The following MAD1L1 variants were observed in gnomAD, a reference collection of about 807,000 sequenced individuals.
MAD1L1 encodes mitotic arrest deficient 1 like 1.
In MAD1L1, 95 loss-of-function variants were observed where a neutral mutation model predicts 96.9. The observed-to-expected ratio is 0.98, with a 90% CI of 0.83 to 1.16. The LOEUF is 1.16. Among genes scored for constraint, MAD1L1 ranks in the 50% most tolerant of loss-of-function variants. The probability of loss-of-function intolerance (pLI) is 0.00; values close to 1 mark genes in which losing one functional copy is unlikely to be tolerated. For missense variants in MAD1L1, 1,007 were observed against 954.4 expected (o/e 1.06, Z -0.73); for synonymous variants, 473 against 396.6 (o/e 1.19, Z -2.29).
chr7:2,213,467 C>T (rs1026321789), intron 9 of MAD1L1, among the ~76,000 whole-genome samples, 194 bp from the exon 10 acceptor site: 1 of 152,204 alleles, frequency 6.6e-6, no homozygotes, highest in African/African-American at 2.4e-5. Flanking sequence ...AGAAGCCACA[C>T]TGGCGCTTCC....
chr7:2,095,993 G>A (rs541753201), intron 11 of MAD1L1, among the ~76,000 whole-genome samples: 10 of 152,368 alleles, frequency 6.6e-5, no homozygotes, highest in Non-Finnish European at 1.2e-4. Flanking sequence ...GGTCCCTCAT[G>A]AGCCTCAGGG....
chr7:2,024,320 G>C (rs1461654079), intron 12 of MAD1L1, among the ~76,000 whole-genome samples: 1 of 152,198 alleles, frequency 6.6e-6, no homozygotes, highest in African/African-American at 2.4e-5. Context: ...GAGATCACAT[G>C]AATCGGTCTT....
At chr7:2,033,848 C>T (rs1042475670) in intron 12 of MAD1L1, among the ~76,000 whole-genome samples, 2 of 152,234 alleles carry the variant, frequency 1.3e-5, no homozygotes, top group African/African-American at 4.8e-5. Flanking sequence ...CTCACACCTG[C>T]AATCCCAGCA....
intron 16 of MAD1L1, among the ~76,000 whole-genome samples, chr7:1,945,404 T>G (rs10228977): frequency 0.86 from 130,606 of 151,882 alleles, 57,479 homozygotes; most frequent in Non-Finnish European, 0.96. Flanking sequence ...TCCTGGGGCT[T>G]AAACCAGGTG....
At chr7:2,074,567 T>C (rs1785288677) in intron 11 of MAD1L1, among the ~76,000 whole-genome samples, 1 of 152,230 alleles carries the variant, frequency 6.6e-6, no homozygotes, top group Non-Finnish European at 1.5e-5. Flanking sequence ...ATCTGCAGGC[T>C]GGCAGGCTGC....
intron 11 of MAD1L1, among the ~76,000 whole-genome samples, chr7:2,099,749 C>T (rs907565487): frequency 1.3e-5 from 2 of 152,258 alleles, no homozygotes; most frequent in Non-Finnish European, 2.9e-5. Flanking sequence ...TTCCTGTGAA[C>T]AGTCCTCAGG....
intron 12 of MAD1L1, among the ~76,000 whole-genome samples, chr7:2,040,588 T>C (rs1374718219): frequency 6.6e-6 from 1 of 152,206 alleles, no homozygotes; most frequent in East Asian, 1.9e-4. Flanking sequence ...TGCTAGGCAT[T>C]AACTACATTT....
chr7:2,056,901 C>T (rs371108642), intron 12 of MAD1L1, among the ~76,000 whole-genome samples: 4 of 152,342 alleles, frequency 2.6e-5, no homozygotes, highest in East Asian at 3.9e-4. Context: ...CGTGGCACCT[C>T]GCCCCACAAC....
intron 10 of MAD1L1, among the ~76,000 whole-genome samples, chr7:2,203,679 C>T (rs917977941): frequency 6.6e-6 from 1 of 152,232 alleles, no homozygotes; most frequent in Non-Finnish European, 1.5e-5. Flanking sequence ...GGCCAAAAAA[C>T]TGTCAAAAAC....
intron 16 of MAD1L1, among the ~76,000 whole-genome samples, chr7:1,954,264 A>T (rs7804190): frequency 3.9e-5 from 6 of 152,130 alleles, no homozygotes; most frequent in Non-Finnish European, 5.9e-5. Context: ...CTCCAAAGAC[A>T]GCCTGCGGGA....
intron 11 of MAD1L1, among the ~76,000 whole-genome samples, chr7:2,078,282 C>T (rs550900442): frequency 2.0e-4 from 30 of 152,364 alleles, no homozygotes; most frequent in African/African-American, 6.5e-4. Flanking sequence ...CGTCAACCCA[C>T]TATCCGGAGG....
At chr7:2,038,760 G>T (rs1018714852) in intron 12 of MAD1L1, among the ~76,000 whole-genome samples, 1 of 151,638 alleles carries the variant, frequency 6.6e-6, no homozygotes, top group Admixed American at 6.6e-5. Context: ...CAAGTGATCC[G>T]CCCACCTCGA....
chr7:2,034,100 C>G (rs1159915755), intron 12 of MAD1L1, among the ~76,000 whole-genome samples: 2 of 151,728 alleles, frequency 1.3e-5, no homozygotes, highest in African/African-American at 2.4e-5. Flanking sequence ...TGTGTCTAAA[C>G]AAATAAATAA....
chr7:1,961,132 C>T (rs1779935350), intron 15 of MAD1L1, among the ~76,000 whole-genome samples: 1 of 152,186 alleles, frequency 6.6e-6, no homozygotes, highest in Non-Finnish European at 1.5e-5. Context: ...AGAGAGAGGC[C>T]TTGTCCACAG....
At chr7:1,879,125 T>C (rs1266563008) in intron 18 of MAD1L1, among the ~76,000 whole-genome samples, 2 of 152,232 alleles carry the variant, frequency 1.3e-5, no homozygotes, top group African/African-American at 2.4e-5. Context: ...TAAAGACCTA[T>C]ATAAATACAG....
intron 16 of MAD1L1, among the ~76,000 whole-genome samples, chr7:1,938,363 G>A (rs1287565765): frequency 2.6e-5 from 4 of 152,156 alleles, no homozygotes; most frequent in Non-Finnish European, 5.9e-5. Flanking sequence ...TGTCTCCTGG[G>A]AGTAGACACA....
chr7:2,050,878 C>G (rs1784138061), intron 12 of MAD1L1, among the ~76,000 whole-genome samples: 1 of 152,202 alleles, frequency 6.6e-6, no homozygotes, highest in South Asian at 2.1e-4. Context: ...AGAGAGGGTT[C>G]AGACACCACC....
chr7:1,855,110 C>G (rs754185156), intron 18 of MAD1L1, among the ~76,000 whole-genome samples: 1 of 152,178 alleles, frequency 6.6e-6, no homozygotes, highest in Non-Finnish European at 1.5e-5. Context: ...CGGTGAAGAG[C>G]CGCGCGTGTT....
chr7:2,017,505 G>A (rs1418527954), intron 12 of MAD1L1, among the ~76,000 whole-genome samples: 4 of 152,338 alleles, frequency 2.6e-5, no homozygotes, highest in Admixed American at 2.0e-4. Context: ...GGGGGCCGGG[G>A]GCAGCAGTAG....
Sources: gnomAD v4.1 joint callset for allele counts (sites outside exome capture counted in the v4.1 genomes callset) on GRCh38, gnomAD v4.1.1 for gene constraint, MANE v1.5 for transcripts, NCBI Gene and HGNC (gene_info 2026-07-23, HGNC 2026-07-21) for gene names.